The following CCDC77 variants were observed in gnomAD, a reference collection of about 807,000 sequenced individuals.
The protein encoded by CCDC77 is coiled-coil domain containing 77.
A neutral mutation model predicts 66.8 loss-of-function variants in CCDC77; 56 were observed. The ratio of observed to expected loss-of-function variants is 0.84; its 90% CI spans 0.68 to 1.05. The LOEUF is 1.05. Ranked by LOEUF, CCDC77 falls within the 50% of genes least tolerant of loss-of-function variation. The pLI, the probability that CCDC77 is intolerant of heterozygous loss-of-function variation, is 0.00. For synonymous variants in CCDC77, 196 were observed against 195.2 expected (o/e 1.00, Z -0.03); for missense variants, 570 against 576.8 (o/e 0.99, Z 0.12).
At chr12:408,028 A>C (rs1453392323) in intron 2 of CCDC77, among the ~76,000 whole-genome samples, 4 of 151,818 alleles carry the variant, frequency 2.6e-5, no homozygotes, top group African/African-American at 4.8e-5. Context: ...ACCTTGTGAT[A>C]CACCCACCTC....
At chr12:436,198 A>G (rs1591993262) in intron 9 of CCDC77, among the ~76,000 whole-genome samples, 3 of 148,882 alleles carry the variant, frequency 2.0e-5, no homozygotes, top group East Asian at 4.0e-4. Flanking sequence ...GCTCACTGCA[A>G]GCTCCGCCTC....
At chr12:414,809 A>T (rs531111707) in intron 4 of CCDC77, among the ~76,000 whole-genome samples, 2 of 151,826 alleles carry the variant, frequency 1.3e-5, no homozygotes, top group African/African-American at 4.8e-5. Context: ...TCCCACACCC[A>T]CCTCACTTTG....
chr12:412,763 C>T (rs1178648973), intron 4 of CCDC77, among the ~76,000 whole-genome samples: 1 of 152,198 alleles, frequency 6.6e-6, no homozygotes, highest in South Asian at 2.1e-4. Flanking sequence ...CATTATACAG[C>T]AGTCTTCTCA....
chr12:394,102 A>G (rs1944796449), intron 1 of CCDC77, among the ~76,000 whole-genome samples: 1 of 152,310 alleles, frequency 6.6e-6, no homozygotes, highest in East Asian at 1.9e-4. Context: ...AAATACCATT[A>G]GTTGTTTTCA....
chr12:409,589 T>C, intron 3 of CCDC77, 168 bp downstream of exon 3: 1 of 635,130 alleles, frequency 1.6e-6, no homozygotes, highest in Non-Finnish European at 2.8e-6. Flanking sequence ...CAATCATTGC[T>C]CATTGCAGCC....
chr12:392,182 A>T (rs1944765120), intron 1 of CCDC77, among the ~76,000 whole-genome samples: 1 of 152,034 alleles, frequency 6.6e-6, no homozygotes, highest in Non-Finnish European at 1.5e-5. Context: ...AAAAAAAAAA[A>T]TTAGAGTATT....
intron 2 of CCDC77, among the ~76,000 whole-genome samples, chr12:408,122 A>G (rs1459311523): frequency 6.6e-6 from 1 of 152,150 alleles, no homozygotes; most frequent in African/African-American, 2.4e-5. Context: ...TATACCAGGT[A>G]GAAGGACATA....
intron 5 of CCDC77, among the ~76,000 whole-genome samples, chr12:423,486 T>TTC (rs1945466204): frequency 3.1e-5 from 1 of 32,134 alleles, no homozygotes; most frequent in Non-Finnish European, 6.3e-5. Context: ...TGTGTTTTTT[T>TTC]TTGTTTTGTT....
At chr12:402,385 T>G (rs1004127405) in intron 1 of CCDC77, among the ~76,000 whole-genome samples, 2 of 152,172 alleles carry the variant, frequency 1.3e-5, no homozygotes, top group African/African-American at 4.8e-5. Context: ...GCTAAATCAT[T>G]TTGGATGGGG....
intron 7 of CCDC77, 92 bp downstream of exon 7, chr12:430,828 C>G (rs1447514796): frequency 3.0e-6 from 3 of 983,622 alleles, no homozygotes; most frequent in Non-Finnish European, 4.8e-6. Context: ...CCTGTAATCC[C>G]AGCACTTTGG....
intron 1 of CCDC77, among the ~76,000 whole-genome samples, chr12:391,456 CAA>C (rs879901067): frequency 7.5e-6 from 1 of 133,940 alleles, no homozygotes; most frequent in Non-Finnish European, 1.6e-5. Context: ...ACTCTGTCTC[CAA>C]AAAAAAAAAA....
At chr12:405,149 G>A (rs1204198232) in intron 1 of CCDC77, among the ~76,000 whole-genome samples, 1 of 152,220 alleles carries the variant, frequency 6.6e-6, no homozygotes, top group Non-Finnish European at 1.5e-5. Context: ...TACCACATAG[G>A]TGAACCTTGA....
At chr12:401,210 C>G (rs943145490), upstream of CCDC77, among the ~76,000 whole-genome samples, 3 of 152,200 alleles carry the variant, frequency 2.0e-5, no homozygotes, top group African/African-American at 7.2e-5. Context: ...CAGGTCCTAT[C>G]CTGGCTCTAG....
In CCDC77 at chr12:409,399, A is replaced by G. The variant is rs771402642; in HGVS notation, c.16A>G (p.Thr6Ala). ...AAAAGACAGCATGAACTTTACCCCAACACACACCCCTGTCTGCAGAAAGTA... is the reference window on the plus strand; with the variant it reads ...AAAAGACAGCATGAACTTTACCCCAGCACACACCCCTGTCTGCAGAAAGTA... Reference protein sequence around the residue: MNFTPTHTPVCRKRTV... With the variant: MNFTPAHTPVCRKRTV... The change falls in exon 3 of 13, where the codon ACA (threonine) becomes GCA (alanine). Residue 6 changes from threonine (T) to alanine (A), a missense_variant. Coordinates refer to ENST00000239830, the MANE Select transcript of CCDC77 (RefSeq NM_032358.4). 28 of 1,613,310 alleles carry G rather than the reference A, an allele frequency of 1.7e-5. No individual in the cohort carries two copies. Among genetic ancestry groups the G allele is most frequent in the Middle Eastern group, 3.3e-4 (2 of 6,082 alleles).
intron 11 of CCDC77, 45 bp from the exon 12 acceptor site, chr12:440,799 C>T (rs750683483): frequency 6.8e-6 from 11 of 1,613,000 alleles, no homozygotes; most frequent in South Asian, 5.5e-5. Context: ...CTGGGGAAGA[C>T]GCTTCCCTCA....
chr12:413,626 A>ATTT (rs573170612), intron 4 of CCDC77, among the ~76,000 whole-genome samples: 6 of 115,474 alleles, frequency 5.2e-5, no homozygotes, highest in African/African-American at 6.6e-5. Context: ...ACTGAATGGG[A>ATTT]TTTTTTTTTT....
intron 1 of CCDC77, chr12:390,141 A>G (rs1316346484): frequency 7.2e-5 from 11 of 152,100 alleles, no homozygotes; most frequent in Admixed American, 7.2e-4. Context: ...AAAAAAAAAA[A>G]AAATCAAGAA....
chr12:416,327 G>T (rs1945256337), intron 4 of CCDC77, among the ~76,000 whole-genome samples: 1 of 53,332 alleles, frequency 1.9e-5, no homozygotes, highest in Non-Finnish European at 4.1e-5. Context: ...GTGTGTGTGA[G>T]TCTGTGGGTG....
chr12:441,985 C>A lies in CCDC77; in HGVS notation c.*65C>A. The stretch of plus-strand genomic sequence containing the variant: ...GCTTCTTGAAACCTGAGGACAAGGT[C>A]ATCTGCTGCCAGAAAATGTAAACCT... On this transcript the variant is annotated 3_prime_UTR_variant, in exon 13 of 13. Transcript: ENST00000239830. 1.3e-6 allele frequency: 2 copies of A among 1,537,854 alleles called. No individual in the cohort carries two copies. Among genetic ancestry groups the A allele is most frequent in the South Asian group, 1.1e-5 (1 of 88,152 alleles).
Sources: allele counts gnomAD v4.1 joint callset (sites outside exome capture counted in the v4.1 genomes callset), GRCh38; gene constraint gnomAD v4.1.1; transcripts MANE v1.5; gene names NCBI Gene and HGNC (gene_info 2026-07-23, HGNC 2026-07-21).